Variants in MPHOSPH6 observed in about 807,000 individuals in gnomAD.
The protein encoded by MPHOSPH6 is M-phase phosphoprotein 6.
Under a neutral mutation model 21.8 loss-of-function variants are expected in MPHOSPH6, and 25 were observed. That is an observed-to-expected ratio of 1.15 (90% CI 0.83 to 1.60). MPHOSPH6 has a LOEUF of 1.60. Among genes scored for constraint, MPHOSPH6 ranks in the 40% most tolerant of loss-of-function variants. The pLI, the probability that MPHOSPH6 is intolerant of heterozygous loss-of-function variation, is 0.00. For synonymous variants in MPHOSPH6, 84 were observed against 56.5 expected (o/e 1.49, Z -2.18); for missense variants, 269 against 181.8 (o/e 1.48, Z -2.76).
chr16:82,151,551 T>A (rs923329129), intron 2 of MPHOSPH6, 37 bp from the exon 3 acceptor site: 4 of 1,540,512 alleles, frequency 2.6e-6, no homozygotes, highest in East Asian at 4.6e-5. Flanking sequence ...TCTCCATATA[T>A]AAAGCACAGC....
intron 2 of MPHOSPH6, among the ~76,000 whole-genome samples, chr16:82,159,633 C>T (rs974390936): frequency 1.3e-5 from 2 of 152,168 alleles, no homozygotes; most frequent in African/African-American, 4.8e-5. Flanking sequence ...GTCTCGATCT[C>T]CTGACGTCGT....
intron 1 of MPHOSPH6, chr16:82,164,780 C>T (rs1906712986): frequency 6.6e-6 from 1 of 152,254 alleles, no homozygotes; most frequent in Non-Finnish European, 1.5e-5. Context: ...TAGGCAGAAG[C>T]AAAGGTACAT....
At chr16:82,157,687 A>C (rs1206027075) in intron 2 of MPHOSPH6, among the ~76,000 whole-genome samples, 2 of 151,588 alleles carry the variant, frequency 1.3e-5, no homozygotes, top group Admixed American at 1.3e-4. Flanking sequence ...ACTAGAGGAG[A>C]GGCGTCTTTT....
At chr16:82,154,868 T>C (rs1469095695) in intron 2 of MPHOSPH6, among the ~76,000 whole-genome samples, 1 of 152,000 alleles carries the variant, frequency 6.6e-6, no homozygotes, top group Non-Finnish European at 1.5e-5. Context: ...GAAGAGGAGG[T>C]AGGAACACTT....
chr16:82,149,865 TG>T (rs1379000992), intron 3 of MPHOSPH6, among the ~76,000 whole-genome samples: 1 of 151,452 alleles, frequency 6.6e-6, no homozygotes, highest in Non-Finnish European at 1.5e-5. Flanking sequence ...AGTGGAAGGC[TG>T]GCCCTGTTTA....
At chr16:82,162,238 G>A (rs1906630063) in intron 2 of MPHOSPH6, 1 of 152,372 alleles carries the variant, frequency 6.6e-6, no homozygotes, top group South Asian at 2.1e-4. Flanking sequence ...ACAACTGGCG[G>A]AGCTGGGCAT....
chr16:82,150,691 G>A (rs1906236963), intron 3 of MPHOSPH6, among the ~76,000 whole-genome samples: 1 of 152,194 alleles, frequency 6.6e-6, no homozygotes, highest in South Asian at 2.1e-4. Context: ...AGAGGACAGG[G>A]ATGTGGTTCG....
chr16:82,158,502 A>G (rs1475081916), intron 2 of MPHOSPH6, among the ~76,000 whole-genome samples: 1 of 97,768 alleles, frequency 1.0e-5, no homozygotes, highest in Non-Finnish European at 2.1e-5. Context: ...CCGTCTCAAA[A>G]AAAAAAAAAA....
chr16:82,150,994 T>G (rs1204660672), intron 3 of MPHOSPH6: 1 of 154,202 alleles, frequency 6.5e-6, no homozygotes, highest in African/African-American at 2.4e-5. Context: ...GTCGAAAGGA[T>G]TCATTTAAAA....
chr16:82,164,454 C>T (rs559926896), intron 1 of MPHOSPH6, among the ~76,000 whole-genome samples: 1 of 152,222 alleles, frequency 6.6e-6, no homozygotes, highest in African/African-American at 2.4e-5. Flanking sequence ...ACACCACATT[C>T]GAAGGTCTTG....
intron 1 of MPHOSPH6, among the ~76,000 whole-genome samples, chr16:82,165,796 T>C (rs547888307): frequency 2.5e-5 from 1 of 39,248 alleles, no homozygotes; most frequent in African/African-American, 4.9e-5. Flanking sequence ...CAGGTTTGCG[T>C]AGATGAACCC....
chr16:82,167,929 C>A (rs1475223945), intron 1 of MPHOSPH6, among the ~76,000 whole-genome samples: 1 of 152,130 alleles, frequency 6.6e-6, no homozygotes, highest in African/African-American at 2.4e-5. Context: ...GGTTAAGGCA[C>A]CCTAAGTGCA....
chr16:82,152,429 G>C (rs1023203671), intron 2 of MPHOSPH6, among the ~76,000 whole-genome samples: 1 of 152,138 alleles, frequency 6.6e-6, no homozygotes, highest in African/African-American at 2.4e-5. Flanking sequence ...CTTCAGCAGA[G>C]AAGGAATTTA....
intron 2 of MPHOSPH6, among the ~76,000 whole-genome samples, chr16:82,157,677 A>T (rs1906470911): frequency 1.3e-5 from 2 of 148,900 alleles, no homozygotes; most frequent in African/African-American, 4.9e-5. Flanking sequence ...CTGAGGGCAG[A>T]CTAGAGGAGA....
intron 1 of MPHOSPH6, among the ~76,000 whole-genome samples, chr16:82,169,085 C>G (rs756197712): frequency 4.6e-5 from 7 of 152,216 alleles, no homozygotes; most frequent in African/African-American, 1.7e-4. Flanking sequence ...TTAATATACG[C>G]AAACCACTTC....
intron 2 of MPHOSPH6, among the ~76,000 whole-genome samples, chr16:82,159,619 G>A (rs1004453260): frequency 9.9e-5 from 15 of 152,142 alleles, no homozygotes; most frequent in African/African-American, 3.6e-4. Context: ...TGTTAACCAT[G>A]ATGGTCTCGA....
At chr16:82,151,813 T>G (rs72835384) in intron 2 of MPHOSPH6, among the ~76,000 whole-genome samples, 22 of 152,358 alleles carry the variant, frequency 1.4e-4, no homozygotes, top group Middle Eastern at 3.4e-3. Context: ...TTTGCCAAAG[T>G]TGAAGCAAAG....
At position 82,148,794 on chromosome 16, in the gene MPHOSPH6, T is replaced by G; in HGVS notation, c.420A>C (p.Glu140Asp). The G allele has an allele frequency of 1.2e-6, 2 of 1,614,198 alleles. No homozygotes were observed. Among genetic ancestry groups the G allele is most frequent in the African/African-American group, 1.3e-5 (1 of 75,048 alleles). Residue 140 changes from glutamate (E) to aspartate (D), a missense_variant, in exon 5 of 5, where the codon GAA (glutamate) becomes GAC (aspartate). Coordinates refer to ENST00000258169, the MANE Select transcript of MPHOSPH6 (RefSeq NM_005792.2). Reference sequence around the variant, plus strand: ...TTGGTGTTATGTCTCCATTTTCATCTTCTTCATAATTGGCATGGTCTCTCT... The same window carrying G: ...TTGGTGTTATGTCTCCATTTTCATCGTCTTCATAATTGGCATGGTCTCTCT... Reference protein sequence around the residue: ...ARKRDHANYEEDENGDITPIK... With the variant: ...ARKRDHANYEDDENGDITPIK...
intron 3 of MPHOSPH6, 65 bp downstream of exon 3, chr16:82,151,359 C>T: frequency 6.3e-7 from 1 of 1,587,054 alleles, no homozygotes; most frequent in Non-Finnish European, 8.6e-7. Context: ...ACACCTAAGC[C>T]CAATTATTAG....
Sources: allele counts gnomAD v4.1 joint callset (sites outside exome capture counted in the v4.1 genomes callset), GRCh38; gene constraint gnomAD v4.1.1; transcripts MANE v1.5; gene names NCBI Gene and HGNC (gene_info 2026-07-23, HGNC 2026-07-21).